IGFBP4: variants seen among roughly 807,000 people sequenced by gnomAD.
IGFBP4 encodes insulin-like growth factor-binding protein 4.
Under a neutral mutation model 25.8 loss-of-function variants are expected in IGFBP4, and 9 were observed. The ratio of observed to expected loss-of-function variants is 0.35; its 90% CI spans 0.21 to 0.61. The LOEUF (loss-of-function observed/expected upper bound fraction) is 0.61, where lower values mean the gene tolerates loss of function less well. Ranked by LOEUF, IGFBP4 falls within the 20% of genes least tolerant of loss-of-function variation. The probability of loss-of-function intolerance (pLI) is 0.77; values close to 1 mark genes in which losing one functional copy is unlikely to be tolerated. For synonymous variants in IGFBP4, 153 were observed against 153.9 expected (o/e 0.99, Z 0.05); for missense variants, 315 against 365.3 (o/e 0.86, Z 1.12).
chr17:40,444,229 TG>T (rs1220715055), intron 1 of IGFBP4, 145 bp downstream of exon 1: 3 of 686,998 alleles, frequency 4.4e-6, no homozygotes, highest in Non-Finnish European at 7.5e-6. Flanking sequence ...CCGACTGGCA[TG>T]GGACAGGCTC....
chr17:40,456,024 C>A (rs921600385), intron 3 of IGFBP4, among the ~76,000 whole-genome samples: 2 of 152,188 alleles, frequency 1.3e-5, no homozygotes, highest in African/African-American at 4.8e-5. Context: ...CCCAACTCAT[C>A]CAGCTCAACT....
In IGFBP4 at chr17:40,443,813, C is replaced by T. The variant is rs1445630749; in HGVS notation, c.78C>T (p.His26=). The change falls in exon 1 of 4, where the codon CAC becomes CAT. Residue 26 remains histidine, a synonymous_variant. Transcript: ENST00000269593. ...PGPSLGDEAI[H]CPPCSEEKLA... is the part of the protein sequence containing the mutation. ...CGAGCCTGGGCGACGAAGCCATCCA[C>T]TGCCCGCCCTGCTCCGAGGAGAAGC... is the stretch of plus-strand genomic sequence containing the variant. The T allele has an allele frequency of 6.5e-7, 1 of 1,531,354 alleles. No individual in the cohort carries two copies. Among genetic ancestry groups the T allele is most frequent in the Non-Finnish European group, 8.7e-7 (1 of 1,146,654 alleles). 94.9% of individuals were successfully genotyped at this position (1,531,354 alleles called of 1,614,324 possible). A position where few individuals can be genotyped will look rare whatever the true frequency, so the allele number is the denominator to read the frequency against.
rs1444415616 is a variant in IGFBP4 at position 40,443,622 on chromosome 17, G to T, written c.-114G>T. ...CCGTCTCCCCGCGCCCTCCGGGTCGGGTCCTCCAGGAGCGCCAGGCGCTGC... is the reference window on the plus strand; with the variant it reads ...CCGTCTCCCCGCGCCCTCCGGGTCGTGTCCTCCAGGAGCGCCAGGCGCTGC... On this transcript the variant is annotated 5_prime_UTR_variant, in exon 1 of 4. Transcript: ENST00000269593. 2.8e-6 allele frequency: 1 copy of T among 359,580 alleles called. No homozygotes were observed. Among genetic ancestry groups the T allele is most frequent in the African/African-American group, 2.2e-5 (1 of 45,174 alleles). The allele number at this position is 359,580 out of a possible 1,614,324, so 22.3% of individuals were successfully genotyped here. A position where few individuals can be genotyped will look rare whatever the true frequency, so the allele number is the denominator to read the frequency against.
chr17:40,455,916 T>C (rs1394342195), intron 3 of IGFBP4, among the ~76,000 whole-genome samples: 1 of 152,240 alleles, frequency 6.6e-6, no homozygotes, highest in African/African-American at 2.4e-5. Context: ...AACCTTCTAC[T>C]ATCTAATTTT....
chr17:40,451,207 T>C (rs138290941), intron 1 of IGFBP4, among the ~76,000 whole-genome samples: 1 of 152,188 alleles, frequency 6.6e-6, no homozygotes, highest in Non-Finnish European at 1.5e-5. Flanking sequence ...TGGAGTCCCC[T>C]CTGGACTGTC....
chr17:40,444,594 T>C (rs2035630126), intron 1 of IGFBP4, among the ~76,000 whole-genome samples: 1 of 152,034 alleles, frequency 6.6e-6, no homozygotes, highest in Non-Finnish European at 1.5e-5. Flanking sequence ...AGAGGGACTT[T>C]GGCGTTGAGG....
Position 40,443,678 on chromosome 17 carries a change from G to T in IGFBP4, c.-58G>T. The T allele has an allele frequency of 9.8e-7, 1 of 1,015,572 alleles. No homozygotes were observed. Among genetic ancestry groups the T allele is most frequent in the Non-Finnish European group, 1.2e-6 (1 of 815,838 alleles). The allele number at this position is 1,015,572 out of a possible 1,614,324, so 62.9% of individuals were successfully genotyped here. On this transcript the variant is annotated 5_prime_UTR_variant, in exon 1 of 4. Coordinates refer to ENST00000269593, the MANE Select transcript of IGFBP4 (RefSeq NM_001552.3). ...TGTGCCCTCCGCCGCTCGCCCGCGC[G>T]CCCGCGCTCCCCGCCTGCGCCCAGC...
At position 40,453,847 on chromosome 17, in the gene IGFBP4, T is replaced by A; in HGVS notation, c.508-81T>A. 1 of 1,089,422 alleles carries A rather than the reference T, an allele frequency of 9.2e-7. No homozygotes were observed. The highest frequency in any genetic ancestry group is 2.5e-5 in the Admixed American group (1 of 39,422). 67.5% of individuals were successfully genotyped at this position (1,089,422 alleles called of 1,614,324 possible). The stretch of plus-strand genomic sequence containing the variant: ...TCAGGCCTCCTTTCGGGGCCTTCAG[T>A]TCTCACTTAGCTCTGACCCCAGGCC... On this transcript the variant is annotated intron_variant, in intron 2 of 3. Coordinates refer to ENST00000269593, the MANE Select transcript of IGFBP4 (RefSeq NM_001552.3). This position sits in a 1 kb window ranked among gnomAD's most constrained non-coding sequence, Gnocchi z 4.0.
At chr17:40,454,134 G>C (rs1207150123) in intron 3 of IGFBP4, 72 bp downstream of exon 3, 2 of 1,520,734 alleles carry the variant, frequency 1.3e-6, no homozygotes, top group East Asian at 5.0e-5. Context: ...CCGCAGGATG[G>C]TCCTGGATGG....
intron 1 of IGFBP4, among the ~76,000 whole-genome samples, chr17:40,446,454 A>G (rs1346712961): frequency 3.9e-5 from 6 of 152,106 alleles, no homozygotes; most frequent in East Asian, 3.9e-4. Flanking sequence ...CGTCTCTACT[A>G]AAAATACAAA....
In IGFBP4 at chr17:40,443,851, G is replaced by T. The variant is rs923268369; in HGVS notation, c.116G>T (p.Arg39Leu). ...TCCGAGGAGAAGCTGGCGCGCTGCC[G>T]CCCCCCCGTGGGCTGCGAGGAGCTG... ...PCSEEKLARC[R>L]PPVGCEELVR... Residue 39 changes from arginine to leucine, a missense_variant, in exon 1 of 4, where the codon CGC (arginine) becomes CTC (leucine). Coordinates refer to ENST00000269593, the MANE Select transcript of IGFBP4 (RefSeq NM_001552.3). 5.9e-6 allele frequency: 9 copies of T among 1,530,624 alleles called. No homozygotes were observed. The African/African-American group carries it at 1.1e-4, about 19-fold the overall frequency. 94.8% of individuals were successfully genotyped at this position (1,530,624 alleles called of 1,614,324 possible). A position where few individuals can be genotyped will look rare whatever the true frequency, so the allele number is the denominator to read the frequency against.
intron 1 of IGFBP4, among the ~76,000 whole-genome samples, chr17:40,448,584 C>T (rs1037011667): frequency 6.6e-6 from 1 of 152,208 alleles, no homozygotes; most frequent in South Asian, 2.1e-4. Context: ...GGATGAGTAG[C>T]ACCAGGTGGC....
chr17:40,453,210 ACATGCACGCACC>A lies in IGFBP4; in HGVS notation c.507+71_507+82del. On this transcript the variant is annotated intron_variant, in intron 2 of 3. Transcript: ENST00000269593. The surrounding 1 kb of genome is among the most constrained non-coding windows in gnomAD (Gnocchi z 4.0). Reference sequence around the variant, plus strand: ...CACACACACATGCCCCCTGCCCCCCACATGCACGCACCCACACACACCATCACCACCAGATCT... The same window carrying A: ...CACACACACATGCCCCCTGCCCCCCACACACACACCATCACCACCAGATCT... 2.5e-6 allele frequency: 3 copies of A among 1,184,874 alleles called. No individual in the cohort carries two copies. Among genetic ancestry groups the A allele is most frequent in the Non-Finnish European group, 3.4e-6 (3 of 882,504 alleles). 73.4% of individuals were successfully genotyped at this position (1,184,874 alleles called of 1,614,324 possible). A position where few individuals can be genotyped will look rare whatever the true frequency, so the allele number is the denominator to read the frequency against.
intron 1 of IGFBP4, 144 bp from the exon 2 acceptor site, chr17:40,452,841 T>C: frequency 1.7e-6 from 1 of 581,128 alleles, no homozygotes; most frequent in Non-Finnish European, 2.9e-6. Flanking sequence ...TGCTCTTGTT[T>C]CTTCCCGCTC....
Position 40,444,103 on chromosome 17 carries a change from C to T in IGFBP4, c.349+19C>T. 6.6e-7 allele frequency: 1 copy of T among 1,513,048 alleles called. No homozygotes were observed. Among genetic ancestry groups the T allele is most frequent in the African/African-American group, 1.4e-5 (1 of 72,592 alleles). 93.7% of individuals were successfully genotyped at this position (1,513,048 alleles called of 1,614,324 possible). Reference sequence around the variant, plus strand: ...CCCTCTGGTAAGGTACCCCTGGCCTCCCAATTCCCTCCTGAGTGCGCTCCC... The same window carrying T: ...CCCTCTGGTAAGGTACCCCTGGCCTTCCAATTCCCTCCTGAGTGCGCTCCC... On this transcript the variant is annotated intron_variant, in intron 1 of 3. Transcript: ENST00000269593.
rs367907472 is a variant in IGFBP4, at chr17:40,454,056, C to T, written c.636C>T (p.Pro212=). The T allele has an allele frequency of 6.2e-7, 1 of 1,612,374 alleles. No individual in the cohort carries two copies. Among genetic ancestry groups the T allele is most frequent in the East Asian group, 2.2e-5 (1 of 44,688 alleles). ...PNCDRNGNFH[P]KQCHPALDGQ... ...GCGACCGCAACGGCAACTTCCACCC[C>T]AAGCAGGTGGGTCTCTGTCTCCCGC... Residue 212 remains proline (P), a synonymous_variant, in exon 3 of 4, where the codon CCC becomes CCT. Transcript: ENST00000269593.
Position 40,453,979 on chromosome 17 carries a change from G to A in IGFBP4, c.559G>A (p.Ala187Thr), listed in dbSNP as rs756208054. ...ELHRALERLA[A>T]SQSRTHEDLY... ...GCACCGGGCGCTGGAGCGGCTGGCC[G>A]CTTCACAGAGCCGCACCCACGAGGA... is the stretch of plus-strand genomic sequence containing the variant. The change falls in exon 3 of 4, where the codon GCT becomes ACT. Residue 187 changes from alanine to threonine, a missense_variant. By Grantham distance (58) the Ala-to-Thr change is moderately conservative. Coordinates refer to ENST00000269593, the MANE Select transcript of IGFBP4 (RefSeq NM_001552.3). The surrounding 1 kb of genome is among the most constrained non-coding windows in gnomAD (Gnocchi z 4.0). 9 of 1,612,680 alleles carry A rather than the reference G, an allele frequency of 5.6e-6. No individual in the cohort carries two copies. The Admixed American group carries it at 1.0e-4, about 18-fold the overall frequency.
At position 40,453,836 on chromosome 17, in the gene IGFBP4, G is replaced by A. The variant is rs1008279076; in HGVS notation, c.508-92G>A. 10 of 947,332 alleles carry A rather than the reference G, an allele frequency of 1.1e-5. No individual in the cohort carries two copies. The highest frequency in any genetic ancestry group is 1.7e-5 in the African/African-American group (1 of 58,986). The allele number at this position is 947,332 out of a possible 1,614,324, so 58.7% of individuals were successfully genotyped here. ...GCCCCTGGGGCTCAGGCCTCCTTTCGGGGCCTTCAGTTCTCACTTAGCTCT... is the reference window on the plus strand; with the variant it reads ...GCCCCTGGGGCTCAGGCCTCCTTTCAGGGCCTTCAGTTCTCACTTAGCTCT... On this transcript the variant is annotated intron_variant, in intron 2 of 3. Transcript: ENST00000269593. This position sits in a 1 kb window ranked among gnomAD's most constrained non-coding sequence, Gnocchi z 4.0.
intron 1 of IGFBP4, among the ~76,000 whole-genome samples, chr17:40,451,734 G>C (rs899398053): frequency 2.0e-5 from 3 of 152,230 alleles, no homozygotes; most frequent in Admixed American, 2.0e-4. Context: ...TCTTTCTCCA[G>C]CTCAGCCCTG....
Sources: gnomAD v4.1 joint callset for allele counts (sites outside exome capture counted in the v4.1 genomes callset) on GRCh38, gnomAD v4.1.1 for gene constraint, Gnocchi (gnomAD v3.1) non-coding constraint, MANE v1.5 for transcripts, NCBI Gene and HGNC (gene_info 2026-07-23, HGNC 2026-07-21) for gene names.